The following LSAMP variants were observed in gnomAD, a reference collection of about 807,000 sequenced individuals.
LSAMP encodes limbic system-associated membrane protein.
LSAMP carries 7 observed loss-of-function variants against 38.6 expected under a neutral mutation model. The observed-to-expected ratio is 0.18, with a 90% confidence interval of 0.10 to 0.34. The LOEUF (loss-of-function observed/expected upper bound fraction) is 0.34, where lower values mean the gene tolerates loss of function less well. LSAMP is among the 10% of genes least tolerant of loss of function. The probability of loss-of-function intolerance (pLI) is 1.00; values close to 1 mark genes in which losing one functional copy is unlikely to be tolerated. For synonymous variants in LSAMP, 154 were observed against 166.8 expected, an observed-to-expected ratio of 0.92 and a Z score of 0.59; for missense variants, 313 against 420.0, an observed-to-expected ratio of 0.75 and a Z score of 2.23.
chr3:115,908,617 C>A (rs1283947873), intron 3 of LSAMP, among the ~76,000 whole-genome samples: 1 of 152,116 alleles, frequency 6.6e-6, no homozygotes, highest in Non-Finnish European at 1.5e-5. Context: ...TTATATAGAA[C>A]TTATTCCTAC....
At chr3:115,920,098 A>G (rs1249588366) in intron 3 of LSAMP, among the ~76,000 whole-genome samples, 1 of 152,186 alleles carries the variant, frequency 6.6e-6, no homozygotes, top group African/African-American at 2.4e-5. Context: ...ATGAATATTT[A>G]GGGTGTTTCT....
chr3:115,862,510 C>A (rs924805411), intron 3 of LSAMP, among the ~76,000 whole-genome samples: 3 of 152,172 alleles, frequency 2.0e-5, no homozygotes. Flanking sequence ...TTCAGCTAGG[C>A]CCAGTGCTGA....
intron 6 of LSAMP, among the ~76,000 whole-genome samples, chr3:115,827,405 T>C (rs1559838727): frequency 6.6e-6 from 1 of 151,674 alleles, no homozygotes; most frequent in Non-Finnish European, 1.5e-5. Context: ...TTTAGGCAGT[T>C]AAAAAGGTCA....
At chr3:115,978,009 C>G (rs1475503729) in intron 3 of LSAMP, among the ~76,000 whole-genome samples, 1 of 152,006 alleles carries the variant, frequency 6.6e-6, no homozygotes, top group Non-Finnish European at 1.5e-5. Flanking sequence ...TCCTCCTCTT[C>G]CTTTCTCTTT....
intron 1 of LSAMP, among the ~76,000 whole-genome samples, chr3:116,383,326 CTA>C (rs2048586256): frequency 6.6e-6 from 1 of 151,986 alleles, no homozygotes; most frequent in Non-Finnish European, 1.5e-5. Flanking sequence ...ACCTTGCTTG[CTA>C]TATGCCCCAT....
intron 1 of LSAMP, among the ~76,000 whole-genome samples, chr3:116,174,020 A>T (rs1423043039): frequency 6.6e-6 from 1 of 151,988 alleles, no homozygotes; most frequent in East Asian, 1.9e-4. Context: ...AACTTTTCCA[A>T]ATCAGAAAAT....
intron 1 of LSAMP, among the ~76,000 whole-genome samples, chr3:116,206,614 C>G (rs949511819): frequency 1.2e-4 from 18 of 146,024 alleles, no homozygotes; most frequent in African/African-American, 4.5e-4. Context: ...TCTTTGTTCT[C>G]GTTGGTTTCA....
chr3:116,033,508 G>T (rs1940975880), intron 2 of LSAMP, among the ~76,000 whole-genome samples: 2 of 152,116 alleles, frequency 1.3e-5, no homozygotes, highest in African/African-American at 4.8e-5. Context: ...GCTGCCTATA[G>T]AAATCTCCCC....
At chr3:116,005,176 C>A (rs958057317) in intron 3 of LSAMP, among the ~76,000 whole-genome samples, 1 of 152,032 alleles carries the variant, frequency 6.6e-6, no homozygotes, top group Non-Finnish European at 1.5e-5. Flanking sequence ...AAGAAAGAAG[C>A]CCTAAAGAAA....
At chr3:116,302,138 G>T (rs138364580) in intron 1 of LSAMP, among the ~76,000 whole-genome samples, 136 of 152,306 alleles carry the variant, frequency 8.9e-4, no homozygotes, top group African/African-American at 3.1e-3. Context: ...ACCCAATAAT[G>T]CAATAGAAAA....
At chr3:116,276,780 C>T (rs76005282) in intron 1 of LSAMP, among the ~76,000 whole-genome samples, 3,273 of 152,070 alleles carry the variant, frequency 0.022, 116 homozygotes, top group African/African-American at 0.074. Flanking sequence ...AGTGTGAGCC[C>T]AACCACATGG....
chr3:116,082,572 A>G (rs1370788970), intron 2 of LSAMP, among the ~76,000 whole-genome samples: 2 of 152,212 alleles, frequency 1.3e-5, no homozygotes, highest in Non-Finnish European at 2.9e-5. Context: ...GAAGCTCTCT[A>G]TGGTAGAATT....
At chr3:116,029,532 T>C (rs1286103541) in intron 2 of LSAMP, among the ~76,000 whole-genome samples, 1 of 152,106 alleles carries the variant, frequency 6.6e-6, no homozygotes, top group African/African-American at 2.4e-5. Flanking sequence ...GTAAGAGAGA[T>C]AATATGCTAA....
intron 3 of LSAMP, among the ~76,000 whole-genome samples, chr3:115,857,644 A>G (rs1935549917): frequency 6.6e-6 from 1 of 151,956 alleles, no homozygotes; most frequent in African/African-American, 2.4e-5. Flanking sequence ...TTTAGTTTAA[A>G]TCTCCCTTTG....
At chr3:115,930,009 T>TTTTTG (rs1553750154) in intron 3 of LSAMP, among the ~76,000 whole-genome samples, 2 of 137,100 alleles carry the variant, frequency 1.5e-5, no homozygotes, top group Non-Finnish European at 3.2e-5. Context: ...GAAGTTTTTT[T>TTTTTG]TTTTTTTTTT....
At chr3:116,017,279 T>TA (rs1409471983) in intron 3 of LSAMP, among the ~76,000 whole-genome samples, 1 of 152,188 alleles carries the variant, frequency 6.6e-6, no homozygotes, top group African/African-American at 2.4e-5. Flanking sequence ...GCCTATTTGC[T>TA]AGTCAGTATT....
At chr3:116,174,923 C>T (rs1710300101) in intron 1 of LSAMP, among the ~76,000 whole-genome samples, 1 of 152,110 alleles carries the variant, frequency 6.6e-6, no homozygotes, top group African/African-American at 2.4e-5. Flanking sequence ...TTCCTATCGC[C>T]TGTCCTTATT....
intron 1 of LSAMP, among the ~76,000 whole-genome samples, chr3:116,326,133 T>G (rs2047768878): frequency 6.6e-6 from 1 of 152,078 alleles, no homozygotes; most frequent in Non-Finnish European, 1.5e-5. Flanking sequence ...AATCAAACTA[T>G]CTATATAGAC....
At chr3:116,252,556 G>A (rs1272084768) in intron 1 of LSAMP, among the ~76,000 whole-genome samples, 2 of 152,052 alleles carry the variant, frequency 1.3e-5, no homozygotes, top group Admixed American at 6.6e-5. Context: ...CACTATCAGC[G>A]TGATGATGGG....
Sources: allele counts gnomAD v4.1 joint callset (sites outside exome capture counted in the v4.1 genomes callset), GRCh38; gene constraint gnomAD v4.1.1; transcripts MANE v1.5; gene names NCBI Gene and HGNC (gene_info 2026-07-23, HGNC 2026-07-21).